Variants in CAPN11 observed in about 807,000 individuals in gnomAD.
The protein encoded by CAPN11 is calpain-11.
In CAPN11, 108 loss-of-function variants were observed where a neutral mutation model predicts 105.3. The observed-to-expected ratio is 1.03, with a 90% CI of 0.88 to 1.20. The LOEUF is 1.20. CAPN11 is among the 50% of genes most tolerant of loss of function. The pLI is 0.00. For synonymous variants in CAPN11, 329 were observed against 344.5 expected (o/e 0.96, Z 0.50); for missense variants, 883 against 924.8 (o/e 0.95, Z 0.59).
chr6:44,173,531 G>A (rs955342828), intron 7 of CAPN11, 145 bp downstream of exon 7: 23 of 583,590 alleles, frequency 3.9e-5, no homozygotes, highest in South Asian at 3.3e-4. Context: ...CTACCTCCCC[G>A]TCTAAAGTCG....
chr6:44,171,885 G>A (rs1196265413), intron 4 of CAPN11, among the ~76,000 whole-genome samples: 1 of 152,162 alleles, frequency 6.6e-6, no homozygotes, highest in Non-Finnish European at 1.5e-5. Flanking sequence ...GGCCAACATG[G>A]TGAAACCCCA....
In CAPN11 at chr6:44,173,215, C is replaced by T. The variant is rs373882901; in HGVS notation, c.663-3C>T. On this transcript the variant is annotated splice_region_variant and splice_polypyrimidine_tract_variant and intron_variant, in intron 6 of 22. Coordinates refer to ENST00000398776, the MANE Select transcript of CAPN11 (RefSeq NM_007058.4). ...CCCAACAGTGCCTTCTCTGTGCCCA[C>T]AGGCTGAGTGGGTCCTATGAAGCAT... is the stretch of plus-strand genomic sequence containing the variant. The T allele has an allele frequency of 2.5e-6, 4 of 1,613,618 alleles. No individual in the cohort carries two copies. Among genetic ancestry groups the T allele is most frequent in the Non-Finnish European group, 3.4e-6 (4 of 1,179,738 alleles).
rs996038157 is a variant in CAPN11, at chr6:44,177,241, G to A, written c.1238-1G>A. ...ACCACGCTGACCCACTTCCGCCACA[G>A]GCACGTTCTGGACCAACCCCCAGTT... On this transcript the variant is annotated splice_acceptor_variant, in intron 11 of 22. Transcript: ENST00000398776. LOFTEE classifies it high-confidence loss of function. 8.9e-6 allele frequency: 14 copies of A among 1,577,418 alleles called. No homozygotes were observed. The Admixed American group carries it at 1.3e-4, about 15-fold the overall frequency.
Position 44,179,647 on chromosome 6 carries a change from T to C in CAPN11, c.1428+17T>C. 1 of 1,612,494 alleles carries C rather than the reference T, an allele frequency of 6.2e-7. No individual in the cohort carries two copies. ...CCAAAAGAGGTACAGAAGATAAAGATGTGGGGCTTGTTCCTGGACACATAC... is the reference window on the plus strand; with the variant it reads ...CCAAAAGAGGTACAGAAGATAAAGACGTGGGGCTTGTTCCTGGACACATAC... On this transcript the variant is annotated intron_variant, in intron 13 of 22. Coordinates refer to ENST00000398776, the MANE Select transcript of CAPN11 (RefSeq NM_007058.4).
chr6:44,183,877 A>G (rs766233371), intron 22 of CAPN11, 29 bp from the exon 23 acceptor site: 1 of 1,545,928 alleles, frequency 6.5e-7, no homozygotes, highest in South Asian at 1.2e-5. Context: ...GTCTCTTCCC[A>G]CCCTGGGATC....
At chr6:44,182,855 T>C (rs1264351894) in intron 19 of CAPN11, 86 bp from the exon 20 acceptor site, 4 of 978,004 alleles carry the variant, frequency 4.1e-6, no homozygotes, top group Non-Finnish European at 4.7e-6. Flanking sequence ...ATTACAGGCA[T>C]GAGCCACCGC....
intron 12 of CAPN11, among the ~76,000 whole-genome samples, chr6:44,178,979 G>A (rs537911850): frequency 3.3e-5 from 5 of 152,164 alleles, no homozygotes; most frequent in African/African-American, 1.2e-4. Context: ...TGAGCTCTCC[G>A]GTGCACACAA....
rs775981191 is a variant in CAPN11, at chr6:44,180,758, TA to T, written c.1758del (p.Ile586MetfsTer33). ...AGTTCCCCTTCCTAGGGCAAGGAGA[TA>T]GGGGTGTATGAGCTCCAGAGGCTGC... ...FKIVAGEGKE[I>X]GVYELQRLLN... On this transcript the variant is annotated frameshift_variant, in exon 17 of 23. Coordinates refer to ENST00000398776, the MANE Select transcript of CAPN11 (RefSeq NM_007058.4). LOFTEE classifies it high-confidence loss of function. 4.3e-6 allele frequency: 7 copies of T among 1,613,474 alleles called. No homozygotes were observed. Among genetic ancestry groups the T allele is most frequent in the Admixed American group, 1.7e-5 (1 of 59,958 alleles).
Position 44,169,936 on chromosome 6 carries a change from G to A in CAPN11, c.370G>A (p.Asp124Asn), listed in dbSNP as rs1269128724. The change falls in exon 4 of 23, where the codon GAT (aspartate) becomes AAT (asparagine). Residue 124 changes from aspartate to asparagine, a missense_variant. By Grantham distance (23) the Asp-to-Asn change is conservative (BLOSUM62 1). Coordinates refer to ENST00000398776, the MANE Select transcript of CAPN11 (RefSeq NM_007058.4). ...CATAAACAACCCTCTATTCATCATG[G>A]ATGGGATTTCTCCAACAGACATCTG... is the stretch of plus-strand genomic sequence containing the variant. The part of the protein sequence containing the change: ...DIINNPLFIM[D>N]GISPTDICQG... 8 of 1,612,384 alleles carry A rather than the reference G, an allele frequency of 5.0e-6. No homozygotes were observed. The highest frequency in any genetic ancestry group is 5.9e-6 in the Non-Finnish European group (7 of 1,179,282).
At chr6:44,163,863 G>T (rs1358657044) in intron 1 of CAPN11, among the ~76,000 whole-genome samples, 1 of 151,886 alleles carries the variant, frequency 6.6e-6, no homozygotes, top group Non-Finnish European at 1.5e-5. Flanking sequence ...TGAGATGGGG[G>T]GTCTCACTTT....
chr6:44,165,830 A>C (rs538516787), intron 1 of CAPN11, among the ~76,000 whole-genome samples: 1 of 152,112 alleles, frequency 6.6e-6, no homozygotes, highest in Non-Finnish European at 1.5e-5. Context: ...AAGTTTCCAG[A>C]AGCAGTAAAG....
In CAPN11 at chr6:44,166,825, T is replaced by C; in HGVS notation, c.84T>C (p.Cys28=). The change falls in exon 2 of 23, where the codon TGT becomes TGC. Residue 28 remains cysteine (C), a synonymous_variant. Coordinates refer to ENST00000398776, the MANE Select transcript of CAPN11 (RefSeq NM_007058.4). The stretch of plus-strand genomic sequence containing the variant: ...AGGAGGATAAGCCTCGGGGCTCATG[T>C]GCGGGTAGGACTGCAGACCCGTCGT... ...GSQEDKPRGS[C]AEPTFTDTGM... The C allele has an allele frequency of 6.4e-7, 1 of 1,551,072 alleles. No homozygotes were observed. Among genetic ancestry groups the C allele is most frequent in the Non-Finnish European group, 8.7e-7 (1 of 1,146,180 alleles).
chr6:44,160,413 C>T (rs766159934), intron 1 of CAPN11, among the ~76,000 whole-genome samples: 3 of 152,112 alleles, frequency 2.0e-5, no homozygotes, highest in South Asian at 2.1e-4. Flanking sequence ...GTCAGGAGAT[C>T]GGGACCATCT....
rs1554130689 is a variant in CAPN11, at chr6:44,172,317, T to TGCC, written c.426_427insCCG (p.Leu142_Ala143insPro). On this transcript the variant is annotated inframe_insertion, in exon 5 of 23. Coordinates refer to ENST00000398776, the MANE Select transcript of CAPN11 (RefSeq NM_007058.4). Reference sequence around the variant, plus strand: ...GTCTTTCCAGGGGACTGCTGGCTGCTGGCTGCCATCGGCTCCCTTACCACC... The same window carrying TGCC: ...GTCTTTCCAGGGGACTGCTGGCTGCTGCCGGCTGCCATCGGCTCCCTTACCACC... 6.4e-7 allele frequency: 1 copy of TGCC among 1,554,728 alleles called. No individual in the cohort carries two copies. The highest frequency in any genetic ancestry group is 8.7e-7 in the Non-Finnish European group (1 of 1,149,110).
chr6:44,181,273 G>T lies in CAPN11; in HGVS notation c.1891G>T (p.Gly631Trp). 1 of 1,613,502 alleles carries T rather than the reference G, an allele frequency of 6.2e-7. No homozygotes were observed. Among genetic ancestry groups the T allele is most frequent in the Non-Finnish European group, 8.5e-7 (1 of 1,179,612 alleles). The change falls in exon 19 of 23, where the codon GGG becomes TGG. Residue 631 changes from glycine to tryptophan, a missense_variant. Transcript: ENST00000398776. ...LMDKDGSGKL[G>W]LLEFKILWKK... The stretch of plus-strand genomic sequence containing the variant: ...CCAGAAAGATGGCTCTGGCAAGCTG[G>T]GGCTTCTAGAGTTCAAGATCCTGTG...
At position 44,183,191 on chromosome 6, in the gene CAPN11, T is replaced by G; in HGVS notation, c.2090T>G (p.Phe697Cys). The G allele has an allele frequency of 6.2e-7, 1 of 1,613,534 alleles. No individual in the cohort carries two copies. Among genetic ancestry groups the G allele is most frequent in the Non-Finnish European group, 8.5e-7 (1 of 1,179,488 alleles). ...RYADDDLIID[F>C]DSFISCFLRL... is the part of the protein sequence containing the mutation. The stretch of plus-strand genomic sequence containing the variant: ...GCAGATGATGACCTGATCATAGACT[T>G]TGACAGCTTCATCAGCTGTTTCCTG... Residue 697 changes from phenylalanine to cysteine, a missense_variant, in exon 21 of 23, where the codon TTT becomes TGT. Physicochemically the swap from Phe to Cys is radical, Grantham distance 205. Coordinates refer to ENST00000398776, the MANE Select transcript of CAPN11 (RefSeq NM_007058.4).
rs1233800320 is a variant in CAPN11, at chr6:44,176,152, G to A, written c.915+1G>A. 1 of 1,593,460 alleles carries A rather than the reference G, an allele frequency of 6.3e-7. No homozygotes were observed. ...TTACTCTGTGACTGGCCTTCAGGAT[G>A]TGAGTCCTGAGAAATGCGCCCTACC... On this transcript the variant is annotated splice_donor_variant, in intron 8 of 22. Transcript: ENST00000398776. LOFTEE classifies it high-confidence loss of function.
At chr6:44,169,025 G>A (rs1321456950) in intron 2 of CAPN11, 1 of 523,208 alleles carries the variant, frequency 1.9e-6, no homozygotes, top group Non-Finnish European at 3.7e-6. Context: ...CGAACTCCAG[G>A]GCTCAGGTGA....
chr6:44,158,885 GC>G, intron 1 of CAPN11, 21 bp downstream of exon 1: 2 of 1,549,988 alleles, frequency 1.3e-6, no homozygotes, highest in East Asian at 4.9e-5. Flanking sequence ...ATGGGGCCTT[GC>G]CCCACTCCTG....
Sources: gnomAD v4.1 joint callset for allele counts (sites outside exome capture counted in the v4.1 genomes callset) on GRCh38, gnomAD v4.1.1 for gene constraint, MANE v1.5 for transcripts, NCBI Gene and HGNC (gene_info 2026-07-23, HGNC 2026-07-21) for gene names.